Variants in ROBO3 observed in about 807,000 individuals in gnomAD.
ROBO3 encodes the protein roundabout homolog 3.
ROBO3 carries 97 observed loss-of-function variants against 160.5 expected under a neutral mutation model. That is an observed-to-expected ratio of 0.60 (90% confidence interval 0.51 to 0.72). The LOEUF (loss-of-function observed/expected upper bound fraction) is 0.72, where lower values mean the gene tolerates loss of function less well. ROBO3 is among the 30% of genes least tolerant of loss of function. ROBO3 has a pLI of 0.00. For synonymous variants in ROBO3, 780 were observed against 746.2 expected, an observed-to-expected ratio of 1.05 and a Z score of -0.74; for missense variants, 1,858 against 1,846.5, an observed-to-expected ratio of 1.01 and a Z score of -0.11.
chr11:124,879,285 C>G lies in ROBO3; in HGVS notation c.3629C>G (p.Ala1210Gly). 1 of 1,597,044 alleles carries G rather than the reference C, an allele frequency of 6.3e-7. No homozygotes were observed. Among genetic ancestry groups the G allele is most frequent in the Non-Finnish European group, 8.5e-7 (1 of 1,172,642 alleles). ...CCTGCTGGCTTGGGTGCTGGCCCTG[C>G]AGCCTCACCCCACCTCAGCCCCAGT... Reference protein sequence around the residue: ...ARPAGLGAGPAASPHLSPSPA... With the variant: ...ARPAGLGAGPGASPHLSPSPA... Residue 1210 changes from alanine (A) to glycine (G), a missense_variant, in exon 24 of 28, where the codon GCA becomes GGA. Ala to Gly is a moderately conservative substitution (Grantham distance 60). Transcript: ENST00000397801.
rs763570420 is a variant in ROBO3, at chr11:124,873,825, G to C, written c.1747G>C (p.Gly583Arg). ...TLTWKPNPQT[G>R]AAVTSYVIEA... ...GACCTGGAAGCCCAACCCACAAACT[G>C]GGGCTGCAGTCACGTCTTATGTGAT... The change falls in exon 11 of 28, where the codon GGG becomes CGG. Residue 583 changes from glycine (G) to arginine (R), a missense_variant. Physicochemically the swap from Gly to Arg is moderately radical, Grantham distance 125. Coordinates refer to ENST00000397801, the MANE Select transcript of ROBO3 (RefSeq NM_022370.4). This position sits in a 1 kb window ranked among gnomAD's most constrained non-coding sequence, Gnocchi z 4.5. 5 of 1,613,604 alleles carry C rather than the reference G, an allele frequency of 3.1e-6. No individual in the cohort carries two copies. The African/African-American group carries it at 6.7e-5, about 22-fold the overall frequency.
chr11:124,867,123 C>T (rs1457619912), intron 1 of ROBO3, among the ~76,000 whole-genome samples: 1 of 151,946 alleles, frequency 6.6e-6, no homozygotes. Context: ...CAAAACCTAG[C>T]GATAACAGAT....
At position 124,873,473 on chromosome 11, in the gene ROBO3, T is replaced by C; in HGVS notation, c.1618+82T>C. The C allele has an allele frequency of 8.0e-7, 1 of 1,242,258 alleles. No individual in the cohort carries two copies. The highest frequency in any genetic ancestry group is 1.3e-5 in the South Asian group (1 of 77,696). The allele number at this position is 1,242,258 out of a possible 1,614,324, so 77.0% of individuals were successfully genotyped here. On this transcript the variant is annotated intron_variant, in intron 10 of 27. Coordinates refer to ENST00000397801, the MANE Select transcript of ROBO3 (RefSeq NM_022370.4). This position sits in a 1 kb window ranked among gnomAD's most constrained non-coding sequence, Gnocchi z 4.5. ...ACAGGTAGTCGATACCTCCTCAAAC[T>C]CCGGGATTAACTTTATGTCACAAAT...
At position 124,869,429 on chromosome 11, in the gene ROBO3, G is replaced by GCGGCCCCC; in HGVS notation, c.488-20_488-19insGGCCCCCC. The GCGGCCCCC allele has an allele frequency of 7.7e-7, 1 of 1,295,764 alleles. No individual in the cohort carries two copies. 80.3% of individuals were successfully genotyped at this position (1,295,764 alleles called of 1,614,324 possible). A position where few individuals can be genotyped will look rare whatever the true frequency, so the allele number is the denominator to read the frequency against. Reference sequence around the variant, plus strand: ...TGTCACTCTACACCCTGCTTATTTCGCCCCCCACCGCCCCGCCCAGTCCTC... The same window carrying GCGGCCCCC: ...TGTCACTCTACACCCTGCTTATTTCGCGGCCCCCCCCCCCACCGCCCCGCCCAGTCCTC... On this transcript the variant is annotated intron_variant, in intron 2 of 27. Coordinates refer to ENST00000397801, the MANE Select transcript of ROBO3 (RefSeq NM_022370.4). The surrounding 1 kb of genome is among the most constrained non-coding windows in gnomAD (Gnocchi z 4.2).
At chr11:124,875,724 C>A (rs2135334287) in intron 15 of ROBO3, 39 bp downstream of exon 15, 2 of 1,571,884 alleles carry the variant, frequency 1.3e-6, no homozygotes, top group Non-Finnish European at 8.6e-7. Flanking sequence ...GAGGGCCAGG[C>A]CGGGAGGGAG....
rs34127060 is a variant in ROBO3, at chr11:124,869,429, G to GCCCCCCCCCCC, written c.488-15_488-14insCCCCCCCCCCC. 969 of 1,300,766 alleles carry GCCCCCCCCCCC rather than the reference G, an allele frequency of 7.4e-4. No individual in the cohort carries two copies. Among genetic ancestry groups the GCCCCCCCCCCC allele is most frequent in the African/African-American group, 1.5e-3 (87 of 58,752 alleles). The allele number at this position is 1,300,766 out of a possible 1,614,324, so 80.6% of individuals were successfully genotyped here. ...TGTCACTCTACACCCTGCTTATTTC[G>GCCCCCCCCCCC]CCCCCCACCGCCCCGCCCAGTCCTC... is the stretch of plus-strand genomic sequence containing the variant. On this transcript the variant is annotated intron_variant, in intron 2 of 27. Transcript: ENST00000397801. The surrounding 1 kb of genome is among the most constrained non-coding windows in gnomAD (Gnocchi z 4.2).
chr11:124,868,839 C>A lies in ROBO3; in HGVS notation c.198C>A (p.Ile66=), dbSNP rs1306499691. The change falls in exon 2 of 28, where the codon ATC becomes ATA. Residue 66 remains isoleucine, a synonymous_variant. Coordinates refer to ENST00000397801, the MANE Select transcript of ROBO3 (RefSeq NM_022370.4). ...GACCGGAGGACGCTATGCCCCGCATCGTGGAGCAGCCGCCAGATCTGCTGG... is the reference window on the plus strand; with the variant it reads ...GACCGGAGGACGCTATGCCCCGCATAGTGGAGCAGCCGCCAGATCTGCTGG... The part of the protein sequence containing the change: ...RVGPEDAMPR[I]VEQPPDLLVS... 1.9e-6 allele frequency: 3 copies of A among 1,610,072 alleles called. No homozygotes were observed. Among genetic ancestry groups the A allele is most frequent in the Non-Finnish European group, 2.5e-6 (3 of 1,178,782 alleles).
Position 124,865,542 on chromosome 11 carries a change from C to T in ROBO3, c.-36C>T, listed in dbSNP as rs1349317551. 8 of 1,603,210 alleles carry T rather than the reference C, an allele frequency of 5.0e-6. No individual in the cohort carries two copies. Among genetic ancestry groups the T allele is most frequent in the South Asian group, 3.3e-5 (3 of 89,654 alleles). ...GGGTCTCAGACCCAGGGGCTGGGCC[C>T]CCAGCCCCCAGTCCCGATCCCAGCT... is the stretch of plus-strand genomic sequence containing the variant. On this transcript the variant is annotated 5_prime_UTR_variant, in exon 1 of 28. Transcript: ENST00000397801. The surrounding 1 kb of genome is among the most constrained non-coding windows in gnomAD (Gnocchi z 5.5).
At chr11:124,877,911 C>A in intron 20 of ROBO3, 26 bp from the exon 21 acceptor site, 1 of 1,504,094 alleles carries the variant, frequency 6.6e-7, no homozygotes, top group Non-Finnish European at 9.1e-7. Context: ...TCTCTGCTTC[C>A]GGGCCTCCCT....
Position 124,869,602 on chromosome 11 carries a change from A to T in ROBO3, c.640A>T (p.Ile214Phe). Reference sequence around the variant, plus strand: ...AAGACTCAAGGAAGAGGAAGGAAGGATCACGGTGAGGGCGGGATTATGATT... The same window carrying T: ...AAGACTCAAGGAAGAGGAAGGAAGGTTCACGGTGAGGGCGGGATTATGATT... ...GARLKEEEGR[I>F]TIRGGKLMMS... Residue 214 changes from isoleucine (I) to phenylalanine (F), a missense_variant, in exon 3 of 28, where the codon ATC becomes TTC. Physicochemically the swap from Ile to Phe is conservative, Grantham distance 21. Coordinates refer to ENST00000397801, the MANE Select transcript of ROBO3 (RefSeq NM_022370.4). The surrounding 1 kb of genome is among the most constrained non-coding windows in gnomAD (Gnocchi z 4.2). 1 of 1,571,280 alleles carries T rather than the reference A, an allele frequency of 6.4e-7. No homozygotes were observed. The highest frequency in any genetic ancestry group is 8.6e-7 in the Non-Finnish European group (1 of 1,157,024).
chr11:124,872,637 T>TCTGC lies in ROBO3; in HGVS notation c.1330+85_1330+86insCTGC. 1.5e-6 allele frequency: 2 copies of TCTGC among 1,357,630 alleles called. No homozygotes were observed. Among genetic ancestry groups the TCTGC allele is most frequent in the Non-Finnish European group, 2.0e-6 (2 of 991,376 alleles). The allele number at this position is 1,357,630 out of a possible 1,614,324, so 84.1% of individuals were successfully genotyped here. A position where few individuals can be genotyped will look rare whatever the true frequency, so the allele number is the denominator to read the frequency against. On this transcript the variant is annotated intron_variant, in intron 8 of 27. Transcript: ENST00000397801. The surrounding 1 kb of genome is among the most constrained non-coding windows in gnomAD (Gnocchi z 4.3). ...TGATGTGTTTCTCTTGGAGTCTATA[T>TCTGC]ACTATGTCTGCAAGAGGAGAGATGT...
Position 124,869,601 on chromosome 11 carries a change from G to GATC in ROBO3, c.641_643dup (p.Ile214dup), listed in dbSNP as rs765104162. ...CAAGACTCAAGGAAGAGGAAGGAAG[G>GATC]ATCACGGTGAGGGCGGGATTATGAT... On this transcript the variant is annotated inframe_insertion, in exon 3 of 28. Transcript: ENST00000397801. The surrounding 1 kb of genome is among the most constrained non-coding windows in gnomAD (Gnocchi z 4.2). 14 of 1,571,068 alleles carry GATC rather than the reference G, an allele frequency of 8.9e-6. No homozygotes were observed. In the South Asian group the frequency reaches 1.5e-4, roughly 17 times the overall value.
In ROBO3 at chr11:124,869,867, A is replaced by G. The variant is rs1282710485; in HGVS notation, c.646-81A>G. Reference sequence around the variant, plus strand: ...TGAGGATCAAATAAACTTTATACATATGTATATACACATATATTCACCATA... The same window carrying G: ...TGAGGATCAAATAAACTTTATACATGTGTATATACACATATATTCACCATA... On this transcript the variant is annotated intron_variant, in intron 3 of 27. Transcript: ENST00000397801. The surrounding 1 kb of genome is among the most constrained non-coding windows in gnomAD (Gnocchi z 4.2). 5.4e-6 allele frequency: 8 copies of G among 1,490,900 alleles called. No individual in the cohort carries two copies. The Admixed American group carries it at 1.2e-4, about 22-fold the overall frequency. The allele number at this position is 1,490,900 out of a possible 1,614,324, so 92.4% of individuals were successfully genotyped here.
Position 124,865,435 on chromosome 11 carries a change from C to T in ROBO3, c.-143C>T. 3.9e-6 allele frequency: 3 copies of T among 777,222 alleles called. No homozygotes were observed. The highest frequency in any genetic ancestry group is 4.1e-6 in the Non-Finnish European group (2 of 491,520). The allele number at this position is 777,222 out of a possible 1,614,324, so 48.1% of individuals were successfully genotyped here. The stretch of plus-strand genomic sequence containing the variant: ...AGGGCACGAAGAGGCACCGACCGTA[C>T]CCAGGCGCACCGGCAGGAGAGCGGC... On this transcript the variant is annotated 5_prime_UTR_variant, in exon 1 of 28. Coordinates refer to ENST00000397801, the MANE Select transcript of ROBO3 (RefSeq NM_022370.4). The surrounding 1 kb of genome is among the most constrained non-coding windows in gnomAD (Gnocchi z 5.5).
Position 124,878,538 on chromosome 11 carries a change from G to A in ROBO3, c.3321-46G>A, listed in dbSNP as rs772122313. 5.0e-6 allele frequency: 8 copies of A among 1,604,736 alleles called. No homozygotes were observed. The highest frequency in any genetic ancestry group is 6.0e-6 in the Non-Finnish European group (7 of 1,174,602). On this transcript the variant is annotated intron_variant, in intron 22 of 27. Transcript: ENST00000397801. This position sits in a 1 kb window ranked among gnomAD's most constrained non-coding sequence, Gnocchi z 4.3. ...AGCAGGAAGGCCAACGGGAAGGTATGGAAGCAGCTGAGCCCTTTCCTTCTC... is the reference window on the plus strand; with the variant it reads ...AGCAGGAAGGCCAACGGGAAGGTATAGAAGCAGCTGAGCCCTTTCCTTCTC...
intron 13 of ROBO3, 65 bp downstream of exon 13, chr11:124,874,974 G>A (rs1946332623): frequency 6.4e-7 from 1 of 1,560,462 alleles, no homozygotes; most frequent in Non-Finnish European, 8.7e-7. Context: ...GGGCCTCCAA[G>A]AGTGAGTATG....
chr11:124,870,478 C>A, intron 5 of ROBO3, 123 bp from the exon 6 acceptor site: 4 of 1,516,886 alleles, frequency 2.6e-6, no homozygotes, highest in Non-Finnish European at 3.6e-6. Flanking sequence ...CCATGGGTAA[C>A]CAGCTTCTGT....
At chr11:124,880,753 C>G (rs1413342749) in intron 27 of ROBO3, 145 bp downstream of exon 27, 2 of 1,255,820 alleles carry the variant, frequency 1.6e-6, no homozygotes, top group South Asian at 1.6e-5. Context: ...AGGGAGGAAT[C>G]CTGTAGAAGT....
At position 124,875,627 on chromosome 11, in the gene ROBO3, C is replaced by G. The variant is rs757104495; in HGVS notation, c.2363C>G (p.Thr788Ser). The change falls in exon 15 of 28, where the codon ACT becomes AGT. Residue 788 changes from threonine to serine, a missense_variant. By Grantham distance (58) the Thr-to-Ser change is moderately conservative. Transcript: ENST00000397801. ...ALGGDGNSSI[T>S]VSWEPPLPSQ... is the part of the protein sequence containing the mutation. ...GGGGGTGATGGCAACAGCAGTATCA[C>G]TGTGTCCTGGGAACCTCCACTCCCC... The G allele has an allele frequency of 5.0e-6, 8 of 1,611,460 alleles. No individual in the cohort carries two copies. Among genetic ancestry groups the G allele is most frequent in the Non-Finnish European group, 6.8e-6 (8 of 1,179,038 alleles).
Sources: allele counts gnomAD v4.1 joint callset (sites outside exome capture counted in the v4.1 genomes callset), GRCh38; gene constraint gnomAD v4.1.1; non-coding constraint Gnocchi (gnomAD v3.1); transcripts MANE v1.5; gene names NCBI Gene and HGNC (gene_info 2026-07-23, HGNC 2026-07-21).